KSR2: variants seen among roughly 807,000 people sequenced by gnomAD.
KSR2 encodes the protein kinase suppressor of ras 2.
In KSR2, 25 loss-of-function variants were observed where a neutral mutation model predicts 107.8. The observed-to-expected ratio is 0.23, with a 90% CI of 0.17 to 0.32. KSR2 has a LOEUF of 0.32. KSR2 is among the 10% of genes least tolerant of loss of function. The probability of loss-of-function intolerance (pLI) is 1.00; values close to 1 mark genes in which losing one functional copy is unlikely to be tolerated. For missense variants in KSR2, 887 were observed against 1,268.9 expected (o/e 0.70, Z 4.57); for synonymous variants, 480 against 507.0 (o/e 0.95, Z 0.71).
chr12:117,723,987 AATAT>A (rs1203539909), intron 4 of KSR2, among the ~76,000 whole-genome samples: 1 of 152,160 alleles, frequency 6.6e-6, no homozygotes, highest in Admixed American at 6.5e-5. Context: ...TTTAAAACAT[AATAT>A]GTTTTAAAGA....
intron 5 of KSR2, among the ~76,000 whole-genome samples, chr12:117,636,272 T>G (rs984826733): frequency 3.9e-5 from 6 of 152,076 alleles, no homozygotes; most frequent in Non-Finnish European, 1.5e-5. Flanking sequence ...CAATGAAATA[T>G]CTGCACTCCC....
At chr12:117,654,210 G>C (rs1332189925) in intron 5 of KSR2, among the ~76,000 whole-genome samples, 1 of 152,198 alleles carries the variant, frequency 6.6e-6, no homozygotes, top group Non-Finnish European at 1.5e-5. Context: ...TAGCCATAAA[G>C]TGAGTCGTGC....
chr12:117,810,142 TG>T (rs1169147226), intron 3 of KSR2, among the ~76,000 whole-genome samples: 2 of 152,138 alleles, frequency 1.3e-5, no homozygotes, highest in East Asian at 1.9e-4. Context: ...GATCTCGGTT[TG>T]TTTTTTTTGT....
At chr12:117,776,325 C>A (rs1889682376) in intron 3 of KSR2, among the ~76,000 whole-genome samples, 1 of 152,068 alleles carries the variant, frequency 6.6e-6, no homozygotes, top group African/African-American at 2.4e-5. Context: ...AAACACAAAG[C>A]CCTTCCTGGT....
At chr12:117,653,669 C>T (rs1046984056) in intron 5 of KSR2, among the ~76,000 whole-genome samples, 68 of 152,170 alleles carry the variant, frequency 4.5e-4, no homozygotes, top group Admixed American at 4.3e-3. Context: ...TGGGACCTGT[C>T]GAGATATTCC....
chr12:117,832,405 A>G (rs1892009874), intron 3 of KSR2, among the ~76,000 whole-genome samples: 1 of 152,218 alleles, frequency 6.6e-6, no homozygotes, highest in South Asian at 2.1e-4. Flanking sequence ...TTCTTTGCTA[A>G]TGGCTACAGA....
intron 3 of KSR2, among the ~76,000 whole-genome samples, chr12:117,806,504 T>C (rs1404376648): frequency 6.6e-6 from 1 of 152,180 alleles, no homozygotes; most frequent in Admixed American, 6.5e-5. Context: ...AATATAGAAT[T>C]ATCTTAAGGA....
At chr12:117,651,798 A>G (rs1267679853) in intron 5 of KSR2, among the ~76,000 whole-genome samples, 3 of 152,196 alleles carry the variant, frequency 2.0e-5, no homozygotes, top group African/African-American at 4.8e-5. Context: ...CCAATGTCTT[A>G]TGAAATAGAT....
At chr12:117,709,563 C>T (rs745538468) in intron 4 of KSR2, among the ~76,000 whole-genome samples, 8 of 152,218 alleles carry the variant, frequency 5.3e-5, no homozygotes, top group Non-Finnish European at 1.0e-4. Flanking sequence ...CGGGATCCTT[C>T]TGCTTCCACC....
intron 4 of KSR2, among the ~76,000 whole-genome samples, chr12:117,755,284 C>T (rs145055870): frequency 4.9e-4 from 75 of 152,312 alleles, no homozygotes; most frequent in Admixed American, 1.8e-3. Flanking sequence ...GCAGACATCA[C>T]ATTTTTTTAC....
chr12:117,737,843 A>G (rs1053642029), intron 4 of KSR2, among the ~76,000 whole-genome samples: 4 of 137,034 alleles, frequency 2.9e-5, no homozygotes, highest in Non-Finnish European at 6.4e-5. Flanking sequence ...CAACGAACAC[A>G]TCTGATGAAT....
At chr12:117,477,407 A>T (rs551031146) in intron 16 of KSR2, among the ~76,000 whole-genome samples, 3 of 152,230 alleles carry the variant, frequency 2.0e-5, no homozygotes, top group Non-Finnish European at 4.4e-5. Context: ...ATCACCTATG[A>T]TGCCTAGGTT....
intron 5 of KSR2, among the ~76,000 whole-genome samples, chr12:117,623,232 G>GT (rs574118654): frequency 5.9e-5 from 9 of 152,022 alleles, no homozygotes; most frequent in East Asian, 5.8e-4. Context: ...ATGCCTTTGG[G>GT]TTTTTTTTAA....
chr12:117,468,157 G>T (rs1592900369), intron 19 of KSR2, among the ~76,000 whole-genome samples: 1 of 152,162 alleles, frequency 6.6e-6, no homozygotes, highest in South Asian at 2.1e-4. Context: ...ATCCTGCCAG[G>T]CTGCCACAAT....
chr12:117,849,762 A>G (rs1458089281), intron 3 of KSR2, among the ~76,000 whole-genome samples: 1 of 152,192 alleles, frequency 6.6e-6, no homozygotes, highest in Non-Finnish European at 1.5e-5. Flanking sequence ...GAGAGAGAGA[A>G]AGAGATGACA....
chr12:117,894,173 T>C (rs1894436099), intron 1 of KSR2, among the ~76,000 whole-genome samples: 1 of 152,076 alleles, frequency 6.6e-6, no homozygotes, highest in Non-Finnish European at 1.5e-5. Flanking sequence ...CCTCCCAAAG[T>C]GCTGGGATTA....
rs1895605505 is a variant in KSR2, at chr12:117,928,531, T to C, written c.180+39545A>G. Among the ~76,000 whole-genome samples the C allele has an allele frequency of 2.0e-5, 3 of 152,322 alleles. No individual in the cohort carries two copies. In the South Asian group the frequency reaches 6.2e-4, roughly 32 times the overall value. ...TAATATGGGTGTGTCTATGGTATGG[T>C]ATGGGTATATCATATTTTATTTATC... On this transcript the variant is annotated intron_variant, in intron 1 of 19. Transcript: ENST00000339824.
Position 117,466,955 on chromosome 12 carries a change from A to G in KSR2, c.*244T>C. ...GCTGTCCCCTGGGCCGCACTGATCAATAACGCATCACCCTGGCTGGTCCGG... is the reference window on the plus strand; with the variant it reads ...GCTGTCCCCTGGGCCGCACTGATCAGTAACGCATCACCCTGGCTGGTCCGG... On this transcript the variant is annotated 3_prime_UTR_variant, in exon 20 of 20. Transcript: ENST00000339824. 1 of 449,150 alleles carries G rather than the reference A, an allele frequency of 2.2e-6. No homozygotes were observed. The highest frequency in any genetic ancestry group is 3.9e-6 in the Non-Finnish European group (1 of 255,816). The allele number at this position is 449,150 out of a possible 1,614,324, so 27.8% of individuals were successfully genotyped here.
intron 4 of KSR2, among the ~76,000 whole-genome samples, chr12:117,702,109 CT>C (rs1886351399): frequency 6.6e-6 from 1 of 152,192 alleles, no homozygotes; most frequent in African/African-American, 2.4e-5. Context: ...ACTCCAGGGC[CT>C]TTGCACATGC....
Sources: allele counts gnomAD v4.1 joint callset (sites outside exome capture counted in the v4.1 genomes callset), GRCh38; gene constraint gnomAD v4.1.1; transcripts MANE v1.5; gene names NCBI Gene and HGNC (gene_info 2026-07-23, HGNC 2026-07-21).